PTPN14: variants seen among roughly 807,000 people sequenced by gnomAD.
PTPN14 encodes the protein protein tyrosine phosphatase non-receptor type 14.
PTPN14 carries 53 observed loss-of-function variants against 126.8 expected under a neutral mutation model. That is an observed-to-expected ratio of 0.42 (90% CI 0.34 to 0.53). The LOEUF is 0.53. Among genes scored for constraint, PTPN14 ranks in the 20% least tolerant of loss-of-function variants. The pLI is 0.08. For synonymous variants in PTPN14, 630 were observed against 599.3 expected, an observed-to-expected ratio of 1.05 and a Z score of -0.75; for missense variants, 1,257 against 1,552.9, an observed-to-expected ratio of 0.81 and a Z score of 3.20.
chr1:214,522,542 C>A (rs886136994), intron 1 of PTPN14, among the ~76,000 whole-genome samples: 2 of 152,104 alleles, frequency 1.3e-5, no homozygotes, highest in Admixed American at 6.5e-5. Context: ...ATATGCAATA[C>A]CTGTTTTCCA....
chr1:214,364,407 C>T lies in PTPN14; in HGVS notation c.3435+105G>A. On this transcript the variant is annotated intron_variant, in intron 18 of 18. Coordinates refer to ENST00000366956, the MANE Select transcript of PTPN14 (RefSeq NM_005401.5). This position sits in a 1 kb window ranked among gnomAD's most constrained non-coding sequence, Gnocchi z 4.1. ...AGCCTGGAAAACTCTGGTTGGGAGACAGGAAATTAACCACTGAAAATGCAA... is the reference window on the plus strand; with the variant it reads ...AGCCTGGAAAACTCTGGTTGGGAGATAGGAAATTAACCACTGAAAATGCAA... 7.1e-7 allele frequency: 1 copy of T among 1,411,950 alleles called. No homozygotes were observed. The highest frequency in any genetic ancestry group is 9.6e-7 in the Non-Finnish European group (1 of 1,046,954). The allele number at this position is 1,411,950 out of a possible 1,614,324, so 87.5% of individuals were successfully genotyped here.
intron 3 of PTPN14, 95 bp downstream of exon 3, chr1:214,451,710 C>A: frequency 1.4e-6 from 2 of 1,426,502 alleles, no homozygotes; most frequent in Non-Finnish European, 9.5e-7. Flanking sequence ...CACCCACACC[C>A]ACACACCCCT....
Position 214,364,556 on chromosome 1 carries a change from G to A in PTPN14, c.3391C>T (p.Leu1131Phe). The A allele has an allele frequency of 6.2e-7, 1 of 1,614,040 alleles. No individual in the cohort carries two copies. Among genetic ancestry groups the A allele is most frequent in the Admixed American group, 1.7e-5 (1 of 60,000 alleles). Residue 1131 changes from leucine to phenylalanine, a missense_variant, in exon 18 of 19, where the codon CTC becomes TTC. This residue lies in a region of PTPN14 where 171 missense variants were observed against 229.8 expected (regional missense o/e 0.74). Transcript: ENST00000366956. The surrounding 1 kb of genome is among the most constrained non-coding windows in gnomAD (Gnocchi z 4.1). Reference sequence around the variant, plus strand: ...TAGATCATCAGCTCAGAAAGAATGAGCACGCCGGTCCTTCCCACCCCAGCA... The same window carrying A: ...TAGATCATCAGCTCAGAAAGAATGAACACGCCGGTCCTTCCCACCCCAGCA... ...CSAGVGRTGV[L>F]ILSELMIYCL...
At chr1:214,493,975 C>T (rs917960268) in intron 1 of PTPN14, among the ~76,000 whole-genome samples, 1 of 152,194 alleles carries the variant, frequency 6.6e-6, no homozygotes, top group Non-Finnish European at 1.5e-5. Context: ...TACGTGGACA[C>T]ATCAAAGAAA....
intron 1 of PTPN14, among the ~76,000 whole-genome samples, chr1:214,546,913 A>C (rs563165367): frequency 1.6e-4 from 25 of 152,288 alleles, no homozygotes; most frequent in African/African-American, 5.5e-4. Flanking sequence ...GAAGAAAATC[A>C]AACAAAAGCT....
In PTPN14 at chr1:214,356,146, A is replaced by G. The variant is rs571802932; in HGVS notation, c.*1776T>C. On this transcript the variant is annotated 3_prime_UTR_variant, in exon 19 of 19. Transcript: ENST00000366956. ...GCTAATTTTTGTACTTTTTGTAGAG[A>G]CGGGGTTTCATCATGTTGCTCAGGC... is the stretch of plus-strand genomic sequence containing the variant. 1.3e-5 allele frequency: 2 copies of G among 152,124 alleles called. No individual in the cohort carries two copies. The highest frequency in any genetic ancestry group is 4.2e-4 in the South Asian group (2 of 4,810). The allele number at this position is 152,124 out of a possible 1,614,324, so 9.4% of individuals were successfully genotyped here. A position where few individuals can be genotyped will look rare whatever the true frequency, so the allele number is the denominator to read the frequency against.
At chr1:214,399,863 C>T (rs1048923974) in intron 7 of PTPN14, among the ~76,000 whole-genome samples, 1 of 152,112 alleles carries the variant, frequency 6.6e-6, no homozygotes, top group Non-Finnish European at 1.5e-5. Context: ...TTAGGTTGTA[C>T]ACTTCTGATA....
chr1:214,374,468 C>A (rs1305905764), intron 15 of PTPN14, among the ~76,000 whole-genome samples: 2 of 152,164 alleles, frequency 1.3e-5, no homozygotes, highest in African/African-American at 4.8e-5. Flanking sequence ...CTGCCTGGGG[C>A]CTTTCAGTAT....
In PTPN14 at chr1:214,393,919, C is replaced by G. The variant is rs755036164; in HGVS notation, c.847-142G>C. ...ATAATACATGGGCCAGCAAGGTAAACCAGCCTGCTGAATTTCAGCAGCAGC... is the reference window on the plus strand; with the variant it reads ...ATAATACATGGGCCAGCAAGGTAAAGCAGCCTGCTGAATTTCAGCAGCAGC... On this transcript the variant is annotated intron_variant, in intron 9 of 18. Coordinates refer to ENST00000366956, the MANE Select transcript of PTPN14 (RefSeq NM_005401.5). 215 of 685,614 alleles carry G rather than the reference C, an allele frequency of 3.1e-4. 1 individual carries two copies. The highest frequency in any genetic ancestry group is 8.3e-4 in the Middle Eastern group (2 of 2,420). The allele number at this position is 685,614 out of a possible 1,614,324, so 42.5% of individuals were successfully genotyped here. A position where few individuals can be genotyped will look rare whatever the true frequency, so the allele number is the denominator to read the frequency against.
At chr1:214,421,888 T>G (rs1659552356) in intron 3 of PTPN14, among the ~76,000 whole-genome samples, 1 of 152,110 alleles carries the variant, frequency 6.6e-6, no homozygotes, top group African/African-American at 2.4e-5. Context: ...CTCCAAAAGC[T>G]TCCCAAACCC....
chr1:214,502,558 T>C (rs373073570), intron 1 of PTPN14, among the ~76,000 whole-genome samples: 4 of 152,166 alleles, frequency 2.6e-5, no homozygotes, highest in East Asian at 3.9e-4. Flanking sequence ...AGGATCTCAC[T>C]ATGTTGCCCA....
intron 1 of PTPN14, among the ~76,000 whole-genome samples, chr1:214,538,093 C>T (rs1463539784): frequency 7.2e-5 from 11 of 152,164 alleles, no homozygotes; most frequent in Non-Finnish European, 1.6e-4. Context: ...CTAAAGGCTA[C>T]GTTATTAGTT....
intron 1 of PTPN14, among the ~76,000 whole-genome samples, chr1:214,485,234 C>T (rs10494980): frequency 0.84 from 128,034 of 152,188 alleles, 54,158 homozygotes; most frequent in African/African-American, 0.95. Context: ...TACTGTGTTT[C>T]GTATTTTTAT....
At chr1:214,485,565 C>T (rs1029668574) in intron 1 of PTPN14, among the ~76,000 whole-genome samples, 1 of 152,124 alleles carries the variant, frequency 6.6e-6, no homozygotes, top group African/African-American at 2.4e-5. Context: ...AGTGGACCTA[C>T]AGGTAAATTC....
chr1:214,412,286 T>G (rs1013361541), intron 4 of PTPN14, among the ~76,000 whole-genome samples: 5 of 152,252 alleles, frequency 3.3e-5, no homozygotes, highest in Non-Finnish European at 5.9e-5. Context: ...GTGGTACAGT[T>G]TGAGCACATG....
chr1:214,360,798 G>A (rs146862386), intron 18 of PTPN14, among the ~76,000 whole-genome samples: 1 of 152,158 alleles, frequency 6.6e-6, no homozygotes, highest in African/African-American at 2.4e-5. Context: ...ATACTGATAT[G>A]GTCTTGGCTC....
At chr1:214,484,148 A>T (rs1417939695) in intron 1 of PTPN14, among the ~76,000 whole-genome samples, 1 of 152,234 alleles carries the variant, frequency 6.6e-6, no homozygotes, top group Non-Finnish European at 1.5e-5. Flanking sequence ...TCATGCCTGT[A>T]ATCCCAGCAC....
chr1:214,366,504 A>G (rs1571952674), intron 17 of PTPN14, among the ~76,000 whole-genome samples: 1 of 152,192 alleles, frequency 6.6e-6, no homozygotes, highest in South Asian at 2.1e-4. Context: ...TCATACTAAT[A>G]AAGTTCCTTA....
intron 11 of PTPN14, among the ~76,000 whole-genome samples, chr1:214,388,359 T>C (rs1658671350): frequency 6.6e-6 from 1 of 152,136 alleles, no homozygotes; most frequent in Non-Finnish European, 1.5e-5. Flanking sequence ...TCAAAACGCT[T>C]ACGTTTGTAA....
Sources: gnomAD v4.1 joint callset for allele counts (sites outside exome capture counted in the v4.1 genomes callset) on GRCh38, gnomAD v4.1.1 for gene constraint, gnomAD v4.1.1 regional missense constraint, Gnocchi (gnomAD v3.1) non-coding constraint, MANE v1.5 for transcripts, NCBI Gene and HGNC (gene_info 2026-07-23, HGNC 2026-07-21) for gene names.